Variants in TTLL9 observed in about 807,000 individuals in gnomAD.
TTLL9 encodes tubulin tyrosine ligase like 9.
In TTLL9, 47 loss-of-function variants were observed where a neutral mutation model predicts 65.6. The observed-to-expected ratio is 0.72, with a 90% CI of 0.57 to 0.91. TTLL9 has a LOEUF of 0.91. Ranked by LOEUF, TTLL9 falls within the 40% of genes least tolerant of loss-of-function variation. The pLI, the probability that TTLL9 is intolerant of heterozygous loss-of-function variation, is 0.00. For missense variants in TTLL9, 537 were observed against 568.8 expected, an observed-to-expected ratio of 0.94 and a Z score of 0.57; for synonymous variants, 179 against 204.8, an observed-to-expected ratio of 0.87 and a Z score of 1.07.
chr20:31,941,322 C>G (rs1370869521), intron 14 of TTLL9: 3 of 152,032 alleles, frequency 2.0e-5, no homozygotes, highest in African/African-American at 7.2e-5. Context: ...AACATTGTTG[C>G]AGCCTTCTTT....
chr20:31,887,225 A>C lies in TTLL9; in HGVS notation c.99A>C (p.Ser33=), dbSNP rs927463215. 1.2e-6 allele frequency: 2 copies of C among 1,614,050 alleles called. No homozygotes were observed. The highest frequency in any genetic ancestry group is 2.7e-5 in the African/African-American group (2 of 74,920). ...AAAATTACAAGGGCCATGGATTGTC[A>C]AAGGGAAAAGAGCGGTGAGTGGTCC... ...QNQNYKGHGL[S]KGKEREQRAS... The change falls in exon 3 of 15, where the codon TCA becomes TCC. Residue 33 remains serine (S), a synonymous_variant. Coordinates refer to ENST00000535842, the MANE Select transcript of TTLL9 (RefSeq NM_001008409.5).
In TTLL9 at chr20:31,879,888, G is replaced by A. The variant is rs796389065; in HGVS notation, c.70-7308G>A. 2.6e-6 allele frequency: 4 copies of A among 1,550,396 alleles called. No homozygotes were observed. The African/African-American group carries it at 5.5e-5, about 21-fold the overall frequency. The stretch of plus-strand genomic sequence containing the variant: ...GGCCCCTGGGGAATCGCGTTATGTC[G>A]CGACCGAAGGTAGGAGTCGACCTGA... On this transcript the variant is annotated intron_variant, in intron 2 of 14. Transcript: ENST00000535842.
chr20:31,923,146 C>A (rs968723698), intron 8 of TTLL9, 93 bp downstream of exon 8: 2 of 962,914 alleles, frequency 2.1e-6, no homozygotes, highest in South Asian at 1.3e-5. Flanking sequence ...AAGGGCCCAG[C>A]CTGACACCAG....
chr20:31,942,452 C>T (rs1198691052), intron 14 of TTLL9, among the ~76,000 whole-genome samples: 1 of 152,132 alleles, frequency 6.6e-6, no homozygotes, highest in Non-Finnish European at 1.5e-5. Flanking sequence ...GCTAACAGTA[C>T]TGGGCAGCTA....
At position 31,909,691 on chromosome 20, in the gene TTLL9, G is replaced by A. The variant is rs776368946; in HGVS notation, c.319-46G>A. 34 of 1,585,976 alleles carry A rather than the reference G, an allele frequency of 2.1e-5. No individual in the cohort carries two copies. In the South Asian group the frequency reaches 3.7e-4, roughly 17 times the overall value. ...ATGTGTGGGGCTGGGAGGGGAGCGG[G>A]GCTGTGAGCAGGAGCTAATGGCCGC... On this transcript the variant is annotated intron_variant, in intron 5 of 14. Coordinates refer to ENST00000535842, the MANE Select transcript of TTLL9 (RefSeq NM_001008409.5).
At chr20:31,906,519 C>T (rs114788794) in intron 4 of TTLL9, among the ~76,000 whole-genome samples, 1,866 of 152,334 alleles carry the variant, frequency 0.012, 27 homozygotes, top group African/African-American at 0.042. Flanking sequence ...TTCATCATCC[C>T]AAGGTGATGG....
At chr20:31,894,853 G>A (rs971603281) in intron 3 of TTLL9, among the ~76,000 whole-genome samples, 1 of 152,138 alleles carries the variant, frequency 6.6e-6, no homozygotes, top group Admixed American at 6.5e-5. Flanking sequence ...GGGTTGGGCT[G>A]CAGCTTTAAT....
chr20:31,916,140 C>G (rs1383640069), intron 6 of TTLL9, among the ~76,000 whole-genome samples: 2 of 152,128 alleles, frequency 1.3e-5, no homozygotes, highest in East Asian at 3.9e-4. Flanking sequence ...TGGGCCTCTC[C>G]CTGTGACCTG....
At chr20:31,940,116 T>G (rs187467803) in intron 14 of TTLL9, 3 of 152,300 alleles carry the variant, frequency 2.0e-5, no homozygotes, top group Admixed American at 1.3e-4. Context: ...TGAGGACAGA[T>G]TCCTAGAAGC....
intron 4 of TTLL9, among the ~76,000 whole-genome samples, chr20:31,906,164 G>T (rs2063555786): frequency 6.6e-6 from 1 of 151,898 alleles, no homozygotes; most frequent in African/African-American, 2.4e-5. Context: ...AGCTGCTTAA[G>T]ACAGCATTGC....
intron 2 of TTLL9, among the ~76,000 whole-genome samples, chr20:31,874,138 G>A (rs561639539): frequency 5.3e-5 from 8 of 152,314 alleles, no homozygotes; most frequent in Non-Finnish European, 8.8e-5. Context: ...GTACTGTTCA[G>A]CCTTTGGAAG....
chr20:31,926,213 T>C (rs1483293482), intron 10 of TTLL9, 122 bp downstream of exon 10: 3 of 704,372 alleles, frequency 4.3e-6, no homozygotes, highest in Non-Finnish European at 7.8e-6. Flanking sequence ...ATGATAGTTT[T>C]GGTGCTATGC....
intron 3 of TTLL9, 72 bp from the exon 4 acceptor site, chr20:31,898,400 CT>C: frequency 2.2e-6 from 3 of 1,368,308 alleles, no homozygotes; most frequent in South Asian, 1.2e-5. Flanking sequence ...TCTCTTCCTC[CT>C]TTTTTCCTCT....
chr20:31,889,768 C>G (rs1163208400), intron 3 of TTLL9, among the ~76,000 whole-genome samples: 2 of 149,686 alleles, frequency 1.3e-5, no homozygotes, highest in Non-Finnish European at 3.0e-5. Flanking sequence ...TGAGGTCTCA[C>G]TATGTTGCCC....
intron 3 of TTLL9, among the ~76,000 whole-genome samples, chr20:31,888,925 A>G (rs2063238993): frequency 6.6e-6 from 1 of 152,074 alleles, no homozygotes; most frequent in African/African-American, 2.4e-5. Context: ...TTCAGGATCC[A>G]ACCACCTCCC....
At position 31,924,862 on chromosome 20, in the gene TTLL9, G is replaced by A. The variant is rs1001324834; in HGVS notation, c.665-147G>A. The A allele has an allele frequency of 7.0e-6, 6 of 854,918 alleles. No individual in the cohort carries two copies. In the African/African-American group the frequency reaches 1.0e-4, roughly 14 times the overall value. 53.0% of individuals were successfully genotyped at this position (854,918 alleles called of 1,614,324 possible). ...AAAGTGTTGGGATCACAGGCATGAGGCACCGCGCCTAGCCCCTTGTGTAGT... is the reference window on the plus strand; with the variant it reads ...AAAGTGTTGGGATCACAGGCATGAGACACCGCGCCTAGCCCCTTGTGTAGT... On this transcript the variant is annotated intron_variant, in intron 8 of 14. Coordinates refer to ENST00000535842, the MANE Select transcript of TTLL9 (RefSeq NM_001008409.5).
intron 4 of TTLL9, among the ~76,000 whole-genome samples, chr20:31,905,254 T>C (rs192720068): frequency 9.9e-5 from 15 of 152,194 alleles, no homozygotes; most frequent in African/African-American, 3.6e-4. Context: ...TGTTTTTTTT[T>C]AGCAGAGACG....
chr20:31,920,307 C>T (rs577965037), intron 7 of TTLL9, among the ~76,000 whole-genome samples: 19 of 152,250 alleles, frequency 1.2e-4, no homozygotes, highest in African/African-American at 4.1e-4. Context: ...GCTCGATGCA[C>T]GTTCTTTATC....
At chr20:31,880,178 A>C (rs1006419862) in intron 2 of TTLL9, among the ~76,000 whole-genome samples, 1 of 152,178 alleles carries the variant, frequency 6.6e-6, no homozygotes. Flanking sequence ...TTTACACAAC[A>C]GTGGGACTCT....
Sources: allele counts gnomAD v4.1 joint callset (sites outside exome capture counted in the v4.1 genomes callset), GRCh38; gene constraint gnomAD v4.1.1; transcripts MANE v1.5; gene names NCBI Gene and HGNC (gene_info 2026-07-23, HGNC 2026-07-21).